Variants in DGKI observed in about 807,000 individuals in gnomAD.
The protein encoded by DGKI is diacylglycerol kinase iota, also known as DAG kinase iota.
Under a neutral mutation model 147.5 loss-of-function variants are expected in DGKI, and 55 were observed. The observed-to-expected ratio is 0.37, with a 90% confidence interval of 0.30 to 0.47. DGKI has a LOEUF of 0.47. Among genes scored for constraint, DGKI ranks in the 20% least tolerant of loss-of-function variants. The probability of loss-of-function intolerance (pLI) is 1.00; values close to 1 mark genes in which losing one functional copy is unlikely to be tolerated. For synonymous variants in DGKI, 469 were observed against 477.1 expected (o/e 0.98, Z 0.22); for missense variants, 1,007 against 1,323.8 (o/e 0.76, Z 3.71).
At chr7:137,744,939 T>A (rs901996210) in intron 1 of DGKI, among the ~76,000 whole-genome samples, 5 of 152,170 alleles carry the variant, frequency 3.3e-5, no homozygotes, top group Non-Finnish European at 5.9e-5. Context: ...AACATCATGC[T>A]GAATGTGCAA....
chr7:137,719,606 C>T (rs1794485406), intron 1 of DGKI, among the ~76,000 whole-genome samples: 2 of 152,102 alleles, frequency 1.3e-5, no homozygotes, highest in Non-Finnish European at 2.9e-5. Flanking sequence ...AACTTTATTG[C>T]TATCAGAATC....
intron 12 of DGKI, among the ~76,000 whole-genome samples, chr7:137,588,637 G>A (rs905222713): frequency 3.3e-5 from 5 of 151,810 alleles, no homozygotes; most frequent in South Asian, 2.1e-4. Flanking sequence ...CCACCACGCC[G>A]GGCGAATTTT....
At chr7:137,752,394 C>T (rs11976083) in intron 1 of DGKI, among the ~76,000 whole-genome samples, 40,773 of 151,936 alleles carry the variant, frequency 0.27, 5,572 homozygotes, top group Middle Eastern at 0.36. Flanking sequence ...TTGGTTATAA[C>T]TTAGAACAAA....
chr7:137,468,536 C>A (rs1814750002), intron 24 of DGKI, among the ~76,000 whole-genome samples: 1 of 152,148 alleles, frequency 6.6e-6, no homozygotes. Context: ...GAGACATTAA[C>A]AAAAACCTAC....
intron 1 of DGKI, among the ~76,000 whole-genome samples, chr7:137,762,588 G>A (rs1735512242): frequency 6.6e-6 from 1 of 152,168 alleles, no homozygotes; most frequent in South Asian, 2.1e-4. Flanking sequence ...GTTGCTGCCT[G>A]AATGTGGAAC....
At chr7:137,689,312 A>G (rs1281216662) in intron 2 of DGKI, among the ~76,000 whole-genome samples, 1 of 152,216 alleles carries the variant, frequency 6.6e-6, no homozygotes, top group Non-Finnish European at 1.5e-5. Flanking sequence ...ACTCTCAATA[A>G]ATGTGTTTAA....
chr7:137,547,353 A>C (rs1220718749), intron 20 of DGKI, among the ~76,000 whole-genome samples: 2 of 152,216 alleles, frequency 1.3e-5, no homozygotes, highest in African/African-American at 2.4e-5. Context: ...AAGCCAAGAA[A>C]TATTTTTTAG....
chr7:137,736,331 G>A (rs1388564009), intron 1 of DGKI, among the ~76,000 whole-genome samples: 2 of 152,066 alleles, frequency 1.3e-5, no homozygotes, highest in South Asian at 2.1e-4. Context: ...GCATCTTATT[G>A]TAAGGCTAAT....
intron 1 of DGKI, among the ~76,000 whole-genome samples, chr7:137,710,331 G>C (rs12707367): frequency 0.34 from 51,169 of 151,872 alleles, 9,203 homozygotes; most frequent in South Asian, 0.5. Flanking sequence ...AGACTCCCTA[G>C]GAAAAAGATT....
At chr7:137,433,117 A>G (rs958783607) in intron 28 of DGKI, among the ~76,000 whole-genome samples, 1 of 152,226 alleles carries the variant, frequency 6.6e-6, no homozygotes, top group Admixed American at 6.5e-5. Flanking sequence ...AGTTGACTTA[A>G]TTAGCTTGTA....
intron 1 of DGKI, among the ~76,000 whole-genome samples, chr7:137,762,448 C>A (rs559572242): frequency 6.6e-6 from 1 of 152,224 alleles, no homozygotes; most frequent in Admixed American, 6.5e-5. Context: ...TATACTCCAG[C>A]AGCAGGGAAC....
chr7:137,806,946 A>G (rs1213088731), intron 1 of DGKI, among the ~76,000 whole-genome samples: 1 of 152,188 alleles, frequency 6.6e-6, no homozygotes, highest in Non-Finnish European at 1.5e-5. Flanking sequence ...AAAGGGCAAG[A>G]AACAGGGCCA....
At chr7:137,526,220 G>A (rs1817139477) in intron 20 of DGKI, among the ~76,000 whole-genome samples, 1 of 151,984 alleles carries the variant, frequency 6.6e-6, no homozygotes, top group African/African-American at 2.4e-5. Context: ...CAAACATCCT[G>A]GGTAAAAATA....
intron 28 of DGKI, among the ~76,000 whole-genome samples, chr7:137,434,571 A>G (rs1813210570): frequency 1.3e-5 from 2 of 152,240 alleles, no homozygotes; most frequent in South Asian, 4.1e-4. Flanking sequence ...ACAGAGCAAG[A>G]CTTCATCTCA....
intron 1 of DGKI, among the ~76,000 whole-genome samples, chr7:137,836,175 C>T (rs371577702): frequency 7.0e-4 from 106 of 152,284 alleles, no homozygotes; most frequent in Non-Finnish European, 1.2e-3. Context: ...AGTAATTCCA[C>T]GCTGGCTCAT....
At chr7:137,548,830 G>T (rs774967879) in intron 20 of DGKI, among the ~76,000 whole-genome samples, 1 of 152,014 alleles carries the variant, frequency 6.6e-6, no homozygotes, top group East Asian at 1.9e-4. Context: ...GCATGGTAGC[G>T]CACACCTGTT....
At chr7:137,395,185 T>A (rs1172469512) in intron 32 of DGKI, among the ~76,000 whole-genome samples, 1 of 152,220 alleles carries the variant, frequency 6.6e-6, no homozygotes, top group East Asian at 1.9e-4. Flanking sequence ...AGGGGCCATA[T>A]AAATCATAGA....
chr7:137,680,396 T>A (rs536450940), intron 2 of DGKI, among the ~76,000 whole-genome samples: 1 of 152,356 alleles, frequency 6.6e-6, no homozygotes, highest in African/African-American at 2.4e-5. Flanking sequence ...AAACCCATCT[T>A]ATACATGAGC....
chr7:137,574,132 C>A (rs545017249), intron 17 of DGKI, among the ~76,000 whole-genome samples: 1 of 152,290 alleles, frequency 6.6e-6, no homozygotes, highest in African/African-American at 2.4e-5. Flanking sequence ...GTCAGGTTGT[C>A]TCCAGCACCT....
Sources: allele counts gnomAD v4.1 joint callset (sites outside exome capture counted in the v4.1 genomes callset), GRCh38; gene constraint gnomAD v4.1.1; transcripts MANE v1.5; gene names NCBI Gene and HGNC (gene_info 2026-07-23, HGNC 2026-07-21).